Variants in XK observed in about 807,000 individuals in gnomAD.
XK encodes X-linked Kx blood group antigen, Kell and VPS13A binding protein, also known as endoplasmic reticulum membrane adapter protein XK.
Under a neutral mutation model 14.0 loss-of-function variants are expected in XK, and 2 were observed. The ratio of observed to expected loss-of-function variants is 0.14; its 90% CI spans 0.06 to 0.45. The LOEUF (loss-of-function observed/expected upper bound fraction) is 0.45, where lower values mean the gene tolerates loss of function less well. XK is among the 20% of genes least tolerant of loss of function. The pLI, the probability that XK is intolerant of heterozygous loss-of-function variation, is 0.98. For missense variants in XK, 235 were observed against 341.5 expected (o/e 0.69, Z 2.46); for synonymous variants, 149 against 147.5 (o/e 1.01, Z -0.08).
At chrX:37,712,572 C>T (rs1328590007) in intron 2 of XK, among the ~76,000 whole-genome samples, 3 of 111,855 alleles carry the variant, frequency 2.7e-5, no homozygotes, top group Non-Finnish European at 5.6e-5. Flanking sequence ...CCTGAGATAG[C>T]GAGAATATGG....
At chrX:37,709,924 A>G (rs1336734131) in intron 2 of XK, among the ~76,000 whole-genome samples, 2 of 112,071 alleles carry the variant, frequency 1.8e-5, no homozygotes, top group Admixed American at 1.9e-4. Flanking sequence ...AATTTCAGGC[A>G]TGGATCAAGA....
Position 37,702,013 on chromosome X carries a change from G to T in XK, c.508+7465G>T, listed in dbSNP as rs374547280. 6.2e-4 allele frequency among the ~76,000 whole-genome samples: 70 copies of T among 112,212 alleles called. No individual in the cohort carries two copies. The South Asian group carries it at 9.0e-3, about 14-fold the overall frequency. On this transcript the variant is annotated intron_variant, in intron 2 of 2. Coordinates refer to ENST00000378616, the MANE Select transcript of XK (RefSeq NM_021083.4). ...TGGCTAATTCACAGGAGTGTCCTGA[G>T]AATGAAGGAAATAGCGGTTATGTGT...
At position 37,727,961 on chromosome X, in the gene XK, T is replaced by C. The variant is rs1556450423; in HGVS notation, c.834T>C (p.Ile278=). The C allele has an allele frequency of 8.3e-7, 1 of 1,211,266 alleles. No individual in the cohort carries two copies. Among genetic ancestry groups the C allele is most frequent in the African/African-American group, 1.7e-5 (1 of 57,711 alleles). Residue 278 remains isoleucine, a synonymous_variant, in exon 3 of 3, where the codon ATT becomes ATC. Transcript: ENST00000378616. ...CCCTCAGTAGAGTGGGCACCACCAT[T>C]GTACTATGCTTTCTAACTTTACTCT... ...EKALSRVGTT[I]VLCFLTLLYT...
At chrX:37,699,998 C>G (rs1556443400) in intron 2 of XK, among the ~76,000 whole-genome samples, 1 of 111,255 alleles carries the variant, frequency 9.0e-6, no homozygotes, top group Non-Finnish European at 1.9e-5. Context: ...CAAAAAGGAG[C>G]CTTAGAAAGG....
chrX:37,720,094 G>A (rs1198147673), intron 2 of XK, among the ~76,000 whole-genome samples: 1 of 111,022 alleles, frequency 9.0e-6, no homozygotes, highest in African/African-American at 3.3e-5. Context: ...TGTACACCAG[G>A]ATCATTATGG....
At chrX:37,688,809 A>G (rs1239767074) in intron 1 of XK, among the ~76,000 whole-genome samples, 4 of 112,127 alleles carry the variant, frequency 3.6e-5, no homozygotes, top group African/African-American at 1.3e-4. Flanking sequence ...CAGGATGACA[A>G]GTATAAACCT....
chrX:37,710,316 C>T (rs191983035), intron 2 of XK, among the ~76,000 whole-genome samples: 46 of 112,499 alleles, frequency 4.1e-4, no homozygotes, highest in Admixed American at 1.3e-3. Flanking sequence ...GAAGAAAGGA[C>T]ATGCTTAGGC....
Position 37,728,105 on chromosome X carries a change from C to T in XK, c.978C>T (p.Ile326=), listed in dbSNP as rs375487606. 7 of 1,209,527 alleles carry T rather than the reference C, an allele frequency of 5.8e-6. No homozygotes were observed. Among genetic ancestry groups the T allele is most frequent in the Non-Finnish European group, 6.7e-6 (6 of 895,039 alleles). Residue 326 remains isoleucine, a synonymous_variant, in exon 3 of 3, where the codon ATC becomes ATT. Coordinates refer to ENST00000378616, the MANE Select transcript of XK (RefSeq NM_021083.4). ...QLLVYYMIRF[I]ENAILLLLWY... ...TGGTGTATTACATGATAAGATTCAT[C>T]GAGAATGCCATCCTCCTCCTCCTGT... is the stretch of plus-strand genomic sequence containing the variant.
intron 2 of XK, among the ~76,000 whole-genome samples, chrX:37,713,051 A>G (rs931713445): frequency 1.6e-4 from 18 of 111,503 alleles, no homozygotes; most frequent in Admixed American, 1.0e-3. Context: ...CCATGTATCC[A>G]TTATGTATTT....
At chrX:37,725,510 A>G (rs1162867984) in intron 2 of XK, among the ~76,000 whole-genome samples, 5 of 111,706 alleles carry the variant, frequency 4.5e-5, no homozygotes, top group Admixed American at 9.5e-5. Context: ...AAAATGGTAC[A>G]GTCATTTTGG....
chrX:37,698,113 G>C (rs1556442848), intron 2 of XK, among the ~76,000 whole-genome samples: 1 of 111,813 alleles, frequency 8.9e-6, no homozygotes, highest in Non-Finnish European at 1.9e-5. Flanking sequence ...ACTGTGCTTT[G>C]TGAAGGCCCC....
chrX:37,704,299 T>C (rs941642227), intron 2 of XK, among the ~76,000 whole-genome samples: 1 of 111,332 alleles, frequency 9.0e-6, no homozygotes, highest in Admixed American at 9.5e-5. Flanking sequence ...CTTAGAAGGT[T>C]GAGGCAAGAG....
intron 2 of XK, among the ~76,000 whole-genome samples, chrX:37,724,089 A>G (rs1927930680): frequency 9.0e-6 from 1 of 111,575 alleles, no homozygotes; most frequent in Admixed American, 9.5e-5. Flanking sequence ...AGAAAAACTG[A>G]TGCTTTGAGT....
rs1005213729 is a variant in XK at position 37,728,265 on chromosome X, T to C, written c.1138T>C (p.Phe380Leu). Reference sequence around the variant, plus strand: ...GTTCTTCCACCCTTGCAAAAAGCTCTTTTCTTCCAGTGTTTCTGAAGGCTT... The same window carrying C: ...GTTCTTCCACCCTTGCAAAAAGCTCCTTTCTTCCAGTGTTTCTGAAGGCTT... ...YQFFHPCKKL[F>L]SSSVSEGFQR... Residue 380 changes from phenylalanine to leucine, a missense_variant, in exon 3 of 3, where the codon TTT becomes CTT. By Grantham distance (22) the Phe-to-Leu change is conservative. Coordinates refer to ENST00000378616, the MANE Select transcript of XK (RefSeq NM_021083.4). The C allele has an allele frequency of 1.7e-6, 2 of 1,211,509 alleles. No individual in the cohort carries two copies. Among genetic ancestry groups the C allele is most frequent in the Non-Finnish European group, 2.2e-6 (2 of 895,422 alleles).
At chrX:37,701,203 G>T (rs28940603) in intron 2 of XK, among the ~76,000 whole-genome samples, 333 of 112,128 alleles carry the variant, frequency 3.0e-3, no homozygotes, top group African/African-American at 0.01. Context: ...ATTATCAATC[G>T]CATTCCCAGA....
At chrX:37,705,438 C>T (rs1437663303) in intron 2 of XK, among the ~76,000 whole-genome samples, 9 of 103,239 alleles carry the variant, frequency 8.7e-5, no homozygotes, top group Non-Finnish European at 1.6e-4. Context: ...GGTGAAAGAG[C>T]GAGACTCTGT....
chrX:37,707,292 C>A (rs1927550838), intron 2 of XK, among the ~76,000 whole-genome samples: 1 of 109,401 alleles, frequency 9.1e-6, no homozygotes, highest in Non-Finnish European at 1.9e-5. Context: ...GACGGGGCGG[C>A]TGGCCTGGCG....
chrX:37,703,632 G>C lies in XK; in HGVS notation c.508+9084G>C, dbSNP rs191576582. 2.8e-3 allele frequency among the ~76,000 whole-genome samples: 311 copies of C among 112,276 alleles called. 1 individual carries two copies. Among genetic ancestry groups the C allele is most frequent in the Non-Finnish European group, 4.5e-3 (237 of 53,212 alleles). Reference sequence around the variant, plus strand: ...CCATTTTACAGCTGAGGCCACTGAGGCCCAGTGATAGTAATCAGCTCTTAT... The same window carrying C: ...CCATTTTACAGCTGAGGCCACTGAGCCCCAGTGATAGTAATCAGCTCTTAT... On this transcript the variant is annotated intron_variant, in intron 2 of 2. Coordinates refer to ENST00000378616, the MANE Select transcript of XK (RefSeq NM_021083.4).
chrX:37,702,174 T>C (rs1927429925), intron 2 of XK, among the ~76,000 whole-genome samples: 1 of 111,729 alleles, frequency 9.0e-6, no homozygotes, highest in Admixed American at 9.5e-5. Context: ...GAGAGAGGCC[T>C]GCTTGCAGCT....
Sources: gnomAD v4.1 joint callset for allele counts (sites outside exome capture counted in the v4.1 genomes callset) on GRCh38, gnomAD v4.1.1 for gene constraint, MANE v1.5 for transcripts, NCBI Gene and HGNC (gene_info 2026-07-23, HGNC 2026-07-21) for gene names.